Variants in FGD6 observed in about 807,000 individuals in gnomAD.
FGD6 encodes the protein FYVE, RhoGEF and PH domain-containing protein 6.
In FGD6, 90 loss-of-function variants were observed where a neutral mutation model predicts 149.4. The ratio of observed to expected loss-of-function variants is 0.60; its 90% CI spans 0.51 to 0.72. The LOEUF (loss-of-function observed/expected upper bound fraction) is 0.72, where lower values mean the gene tolerates loss of function less well. Ranked by LOEUF, FGD6 falls within the 30% of genes least tolerant of loss-of-function variation. The pLI, the probability that FGD6 is intolerant of heterozygous loss-of-function variation, is 0.00. For synonymous variants in FGD6, 527 were observed against 584.0 expected, an observed-to-expected ratio of 0.90 and a Z score of 1.41; for missense variants, 1,437 against 1,684.8, an observed-to-expected ratio of 0.85 and a Z score of 2.57.
At position 95,144,478 on chromosome 12, in the gene FGD6, C is replaced by T. The variant is rs780796570; in HGVS notation, c.2686-2939G>A. On this transcript the variant is annotated intron_variant, in intron 5 of 20. Coordinates refer to ENST00000343958, the MANE Select transcript of FGD6 (RefSeq NM_018351.4). ...CGTGATCTCAGCTCACCACAACCTC[C>T]GCTTCCCGGGTTCAAGCAATTCTCC... 2.0e-5 allele frequency among the ~76,000 whole-genome samples: 3 copies of T among 151,888 alleles called. No individual in the cohort carries two copies. The South Asian group carries it at 6.2e-4, about 32-fold the overall frequency.
At chr12:95,188,383 G>A (rs954650700) in intron 2 of FGD6, among the ~76,000 whole-genome samples, 2 of 87,556 alleles carry the variant, frequency 2.3e-5, no homozygotes, top group African/African-American at 5.8e-5. Flanking sequence ...AGCACCATCC[G>A]TGTGTGTGTG....
chr12:95,174,785 A>G (rs796924149), intron 2 of FGD6, among the ~76,000 whole-genome samples: 20 of 152,010 alleles, frequency 1.3e-4, no homozygotes, highest in African/African-American at 4.1e-4. Context: ...AATATTAGCC[A>G]GGCATGGTGG....
chr12:95,112,216 AAAGT>A (rs1878848961), intron 9 of FGD6, among the ~76,000 whole-genome samples: 2 of 149,912 alleles, frequency 1.3e-5, no homozygotes, highest in Non-Finnish European at 3.0e-5. Context: ...CCTGGGTGAC[AAAGT>A]AAGACTCTGT....
At chr12:95,100,786 GA>G in intron 14 of FGD6, 1 of 449,806 alleles carries the variant, frequency 2.2e-6, no homozygotes, top group South Asian at 1.8e-5. Context: ...TGAGCGAACA[GA>G]AAAATGCCCT....
intron 20 of FGD6, among the ~76,000 whole-genome samples, chr12:95,082,984 T>TAAAAAAA (rs1173446654): frequency 9.6e-5 from 3 of 31,130 alleles, no homozygotes; most frequent in Non-Finnish European, 5.1e-5. Context: ...CTGTCTCCAT[T>TAAAAAAA]AAAAAAAAAA....
At chr12:95,116,367 G>T (rs1440049012) in intron 8 of FGD6, among the ~76,000 whole-genome samples, 1 of 152,144 alleles carries the variant, frequency 6.6e-6, no homozygotes, top group Non-Finnish European at 1.5e-5. Context: ...TTGTGGGAAG[G>T]AATGCAGATT....
At chr12:95,106,429 C>A (rs1334732203) in intron 13 of FGD6, among the ~76,000 whole-genome samples, 30 of 110,444 alleles carry the variant, frequency 2.7e-4, no homozygotes, top group Middle Eastern at 4.5e-3. Context: ...CGCCACCACG[C>A]CTGGCTAATT....
chr12:95,127,378 TA>T (rs1366166154), intron 8 of FGD6, among the ~76,000 whole-genome samples: 2 of 152,068 alleles, frequency 1.3e-5, no homozygotes, highest in Non-Finnish European at 2.9e-5. Flanking sequence ...ACCCCGTCTC[TA>T]CTAAAAATAC....
chr12:95,216,078 C>T (rs1276271879), intron 1 of FGD6, among the ~76,000 whole-genome samples: 1 of 152,214 alleles, frequency 6.6e-6, no homozygotes, highest in Non-Finnish European at 1.5e-5. Flanking sequence ...GAAAGACCCA[C>T]ACAACACCCA....
intron 9 of FGD6, among the ~76,000 whole-genome samples, chr12:95,108,772 AAAACAATATATAGGG>A (rs949036264): frequency 2.8e-4 from 42 of 152,314 alleles, no homozygotes; most frequent in African/African-American, 9.9e-4. Context: ...AAACCTGGCC[AAAACAATATATAGGG>A]AAACAATGAG....
chr12:95,172,596 A>G lies in FGD6; in HGVS notation c.2586+4T>C, dbSNP rs1303911340. 1.2e-6 allele frequency: 2 copies of G among 1,602,208 alleles called. No homozygotes were observed. Among genetic ancestry groups the G allele is most frequent in the Non-Finnish European group, 1.7e-6 (2 of 1,172,808 alleles). On this transcript the variant is annotated splice_donor_region_variant and intron_variant, in intron 3 of 20. Coordinates refer to ENST00000343958, the MANE Select transcript of FGD6 (RefSeq NM_018351.4). ...TCAAGAAGCAATTAAGTACCAAAGT[A>G]TACCTGTTTATCTTCCAGTGGGTCA...
chr12:95,100,575 C>T (rs1035365113), intron 14 of FGD6: 7 of 422,262 alleles, frequency 1.7e-5, no homozygotes, highest in African/African-American at 8.2e-5. Flanking sequence ...GTATCTGTTC[C>T]CACGACTTTC....
At chr12:95,110,770 G>A (rs1442872705) in intron 9 of FGD6, among the ~76,000 whole-genome samples, 3 of 152,108 alleles carry the variant, frequency 2.0e-5, no homozygotes, top group Non-Finnish European at 4.4e-5. Context: ...GGGGAGAGAT[G>A]CCTTAAGATT....
At chr12:95,090,894 T>A (rs1267942529) in intron 17 of FGD6, among the ~76,000 whole-genome samples, 1 of 152,118 alleles carries the variant, frequency 6.6e-6, no homozygotes, top group African/African-American at 2.4e-5. Context: ...GGTCAGGGGT[T>A]CGAGACCAGC....
chr12:95,129,643 A>G (rs1879459715), intron 8 of FGD6, among the ~76,000 whole-genome samples: 1 of 152,182 alleles, frequency 6.6e-6, no homozygotes, highest in African/African-American at 2.4e-5. Flanking sequence ...CCAGCCTGAT[A>G]AACTGGCCTT....
rs1458698194 is a variant in FGD6, at chr12:95,077,305, A to G, written c.*4215T>C. 6.6e-6 allele frequency: 1 copy of G among 152,318 alleles called. No homozygotes were observed. The allele number at this position is 152,318 out of a possible 1,614,324, so 9.4% of individuals were successfully genotyped here. On this transcript the variant is annotated 3_prime_UTR_variant, in exon 21 of 21. Coordinates refer to ENST00000343958, the MANE Select transcript of FGD6 (RefSeq NM_018351.4). ...TTAGGGATAGAAGGTGCTAAGCATC[A>G]TGCAAAAGATATGAACTGAAGGCTG... is the stretch of plus-strand genomic sequence containing the variant.
chr12:95,129,713 C>T (rs902098405), intron 8 of FGD6, among the ~76,000 whole-genome samples: 2 of 152,148 alleles, frequency 1.3e-5, no homozygotes, highest in African/African-American at 4.8e-5. Context: ...TGCTCTGTCA[C>T]CCAGGCTGGA....
chr12:95,141,083 C>T (rs909138720), intron 6 of FGD6, among the ~76,000 whole-genome samples: 2 of 151,974 alleles, frequency 1.3e-5, no homozygotes, highest in African/African-American at 4.8e-5. Flanking sequence ...ATTAGAAAGG[C>T]GTGGTGGCAC....
intron 18 of FGD6, among the ~76,000 whole-genome samples, chr12:95,086,530 T>TTTTTC: frequency 6.7e-6 from 1 of 149,634 alleles, no homozygotes; most frequent in African/African-American, 2.5e-5. Flanking sequence ...GATTGATTTT[T>TTTTTC]TTTTTCTTTT....
Sources: gnomAD v4.1 joint callset for allele counts (sites outside exome capture counted in the v4.1 genomes callset) on GRCh38, gnomAD v4.1.1 for gene constraint, MANE v1.5 for transcripts, NCBI Gene and HGNC (gene_info 2026-07-23, HGNC 2026-07-21) for gene names.